The following IPO9 variants were observed in gnomAD, a reference collection of about 807,000 sequenced individuals.
IPO9 encodes importin-9.
A neutral mutation model predicts 128.6 loss-of-function variants in IPO9; 28 were observed. The observed-to-expected ratio is 0.22, with a 90% CI of 0.16 to 0.30. IPO9 has a LOEUF of 0.30. IPO9 is among the 10% of genes least tolerant of loss of function. The pLI is 1.00. For synonymous variants in IPO9, 455 were observed against 475.8 expected (o/e 0.96, Z 0.57); for missense variants, 935 against 1,293.9 (o/e 0.72, Z 4.26).
rs1472951905 is a variant in IPO9 at position 201,881,998 on chromosome 1, C to T, written c.*5944C>T. 1 of 152,156 alleles carries T rather than the reference C, an allele frequency of 6.6e-6. No homozygotes were observed. Among genetic ancestry groups the T allele is most frequent in the East Asian group, 1.9e-4 (1 of 5,206 alleles). The allele number at this position is 152,156 out of a possible 1,614,324, so 9.4% of individuals were successfully genotyped here. ...TGCAGTGAGTTCCTCCTCATCAATC[C>T]AAGTGCTCGATCAGAGGCTAGACCT... On this transcript the variant is annotated 3_prime_UTR_variant, in exon 24 of 24. Coordinates refer to ENST00000361565, the MANE Select transcript of IPO9 (RefSeq NM_018085.5).
intron 10 of IPO9, among the ~76,000 whole-genome samples, chr1:201,856,351 A>G (rs1571547921): frequency 1.3e-5 from 2 of 152,184 alleles, no homozygotes; most frequent in South Asian, 4.1e-4. Flanking sequence ...TCCCTAAAGT[A>G]AAATGTAATA....
chr1:201,873,162 G>T (rs1331980328), intron 20 of IPO9, among the ~76,000 whole-genome samples: 1 of 152,218 alleles, frequency 6.6e-6, no homozygotes, highest in African/African-American at 2.4e-5. Context: ...ACAAAAATAG[G>T]CCGGGCATGG....
Position 201,870,576 on chromosome 1 carries a change from TC to T in IPO9, c.2134-3del. ...ACTAATCTTGCTTGCCACCCCTGTCTCCCCAGAATGGCGGAGAGTGCTTGCG... is the reference window on the plus strand; with the variant it reads ...ACTAATCTTGCTTGCCACCCCTGTCTCCCAGAATGGCGGAGAGTGCTTGCG... On this transcript the variant is annotated splice_polypyrimidine_tract_variant and splice_region_variant and intron_variant, in intron 17 of 23. Coordinates refer to ENST00000361565, the MANE Select transcript of IPO9 (RefSeq NM_018085.5). The surrounding 1 kb of genome is among the most constrained non-coding windows in gnomAD (Gnocchi z 4.9). The T allele has an allele frequency of 6.2e-7, 1 of 1,606,934 alleles. No homozygotes were observed. Among genetic ancestry groups the T allele is most frequent in the Non-Finnish European group, 8.5e-7 (1 of 1,174,454 alleles).
intron 1 of IPO9, among the ~76,000 whole-genome samples, chr1:201,843,692 G>A (rs939714005): frequency 1.3e-5 from 2 of 152,114 alleles, no homozygotes; most frequent in Admixed American, 6.5e-5. Context: ...GCTGGGCGTG[G>A]TGGTACACTC....
At chr1:201,856,016 A>G in intron 10 of IPO9, 82 bp downstream of exon 10, 2 of 1,003,024 alleles carry the variant, frequency 2.0e-6, no homozygotes, top group Non-Finnish European at 2.9e-6. Flanking sequence ...TCAGGTGAAC[A>G]CTTTATTTCT....
chr1:201,869,681 A>G lies in IPO9; in HGVS notation c.2096A>G (p.Gln699Arg), dbSNP rs1680613262. ...LICQAFPAVA[Q>R]CTLHTDDNAT... Reference sequence around the variant, plus strand: ...TGCCAAGCTTTCCCTGCTGTGGCACAGTGTACCCTTCACACAGATGACAAT... The same window carrying G: ...TGCCAAGCTTTCCCTGCTGTGGCACGGTGTACCCTTCACACAGATGACAAT... The change falls in exon 17 of 24, where the codon CAG (glutamine) becomes CGG (arginine). Residue 699 changes from glutamine to arginine, a missense_variant. Gln to Arg is a conservative substitution (Grantham distance 43, BLOSUM62 1). Coordinates refer to ENST00000361565, the MANE Select transcript of IPO9 (RefSeq NM_018085.5). 1.2e-6 allele frequency: 2 copies of G among 1,614,066 alleles called. No individual in the cohort carries two copies. Among genetic ancestry groups the G allele is most frequent in the Middle Eastern group, 1.6e-4 (1 of 6,084 alleles).
At chr1:201,835,272 C>T (rs1357529905) in intron 1 of IPO9, among the ~76,000 whole-genome samples, 2 of 152,338 alleles carry the variant, frequency 1.3e-5, no homozygotes, top group East Asian at 3.9e-4. Context: ...GCATGTATTT[C>T]TTAAGTGATC....
intron 19 of IPO9, among the ~76,000 whole-genome samples, chr1:201,871,791 G>A (rs1026727244): frequency 1.2e-4 from 18 of 151,980 alleles, no homozygotes; most frequent in African/African-American, 3.6e-4. Context: ...TATTGCTAAC[G>A]CACATATGTG....
intron 1 of IPO9, among the ~76,000 whole-genome samples, chr1:201,837,004 T>A (rs1419160650): frequency 1.3e-5 from 2 of 152,240 alleles, no homozygotes; most frequent in South Asian, 2.1e-4. Context: ...TAATGCTGCT[T>A]CTTTCATGCG....
In IPO9 at chr1:201,872,940, A is replaced by C. The variant is rs1258718344; in HGVS notation, c.2689A>C (p.Thr897Pro). ...EIYSMDEGIR[T>P]RSKSAKNPER... Reference sequence around the variant, plus strand: ...CTACAGCATGGATGAGGGCATCCGCACCCGCTCTAAGTCAGCCAAAAGTGG... The same window carrying C: ...CTACAGCATGGATGAGGGCATCCGCCCCCGCTCTAAGTCAGCCAAAAGTGG... Residue 897 changes from threonine to proline, a missense_variant, in exon 20 of 24, where the codon ACC becomes CCC. Transcript: ENST00000361565. 1.9e-6 allele frequency: 3 copies of C among 1,613,308 alleles called. No homozygotes were observed. The Admixed American group carries it at 5.0e-5, about 27-fold the overall frequency.
intron 4 of IPO9, chr1:201,850,646 A>G (rs905294619): frequency 3.9e-5 from 6 of 152,222 alleles, no homozygotes; most frequent in African/African-American, 1.4e-4. Context: ...TAAAGTATTA[A>G]TAAATTGATA....
chr1:201,831,429 G>C (rs1245073383), intron 1 of IPO9, among the ~76,000 whole-genome samples: 1 of 152,034 alleles, frequency 6.6e-6, no homozygotes, highest in Non-Finnish European at 1.5e-5. Context: ...GCAATGCTTC[G>C]GACCCTTTGG....
At position 201,879,377 on chromosome 1, in the gene IPO9, A is replaced by G. The variant is rs141666926; in HGVS notation, c.*3323A>G. 13 of 152,336 alleles carry G rather than the reference A, an allele frequency of 8.5e-5. No homozygotes were observed. Among genetic ancestry groups the G allele is most frequent in the African/African-American group, 3.1e-4 (13 of 41,586 alleles). 9.4% of individuals were successfully genotyped at this position (152,336 alleles called of 1,614,324 possible). Reference sequence around the variant, plus strand: ...GTAACTGACCACTAACTAACAAACTATAAATTCACCCATTGTGGGTTGACC... The same window carrying G: ...GTAACTGACCACTAACTAACAAACTGTAAATTCACCCATTGTGGGTTGACC... On this transcript the variant is annotated 3_prime_UTR_variant, in exon 24 of 24. Transcript: ENST00000361565.
intron 19 of IPO9, 69 bp from the exon 20 acceptor site, chr1:201,872,759 T>C (rs1043170463): frequency 6.6e-7 from 1 of 1,525,548 alleles, no homozygotes; most frequent in African/African-American, 1.4e-5. Flanking sequence ...TAGGACATAA[T>C]TGCTTATCTC....
Position 201,874,844 on chromosome 1 carries a change from A to G in IPO9, c.2846A>G (p.Asp949Gly). Residue 949 changes from aspartate (D) to glycine (G), a missense_variant, in exon 22 of 24, where the codon GAT (aspartate) becomes GGT (glycine). Asp to Gly is a moderately conservative substitution (Grantham distance 94). Transcript: ENST00000361565. ...PAEWSQDDSN[D>G]MWEDQEEEEE... ...CATCTCCAAGTAGATGACTCCAATG[A>G]TATGTGGGAGGACCAGGAGGAGGAA... 6.2e-7 allele frequency: 1 copy of G among 1,611,530 alleles called. No individual in the cohort carries two copies. The highest frequency in any genetic ancestry group is 8.5e-7 in the Non-Finnish European group (1 of 1,177,620).
chr1:201,860,947 C>T (rs1367145095), intron 13 of IPO9, among the ~76,000 whole-genome samples: 1 of 152,082 alleles, frequency 6.6e-6, no homozygotes, highest in Admixed American at 6.6e-5. Context: ...GTGGGCGGAT[C>T]ATGAGGTCAG....
In IPO9 at chr1:201,868,646, A is replaced by C; in HGVS notation, c.1856-2A>C. The C allele has an allele frequency of 1.2e-6, 2 of 1,612,938 alleles. No individual in the cohort carries two copies. Among genetic ancestry groups the C allele is most frequent in the Non-Finnish European group, 1.7e-6 (2 of 1,179,412 alleles). ...GATTCCGTGTTGCCTTATCCACTTC[A>C]GATCCCGTCGTCGCCTCACTGGCTC... On this transcript the variant is annotated splice_acceptor_variant, in intron 15 of 23. Transcript: ENST00000361565. LOFTEE classifies it high-confidence loss of function.
At chr1:201,855,242 A>G in intron 9 of IPO9, 60 bp downstream of exon 9, 1 of 1,077,900 alleles carries the variant, frequency 9.3e-7, no homozygotes, top group South Asian at 1.3e-5. Context: ...AAAAGAAGCC[A>G]GAGATGGGGG....
At position 201,829,388 on chromosome 1, in the gene IPO9, C is replaced by A; in HGVS notation, c.163+16C>A. The A allele has an allele frequency of 6.5e-7, 1 of 1,546,216 alleles. No homozygotes were observed. The highest frequency in any genetic ancestry group is 8.7e-7 in the Non-Finnish European group (1 of 1,146,490). On this transcript the variant is annotated intron_variant, in intron 1 of 23. Coordinates refer to ENST00000361565, the MANE Select transcript of IPO9 (RefSeq NM_018085.5). The stretch of plus-strand genomic sequence containing the variant: ...GTGACGGAGGGTGAGTGAGGCGGGA[C>A]CGTCACGAGGATGGCTCAGCCGCAC...
Sources: gnomAD v4.1 joint callset for allele counts (sites outside exome capture counted in the v4.1 genomes callset) on GRCh38, gnomAD v4.1.1 for gene constraint, Gnocchi (gnomAD v3.1) non-coding constraint, MANE v1.5 for transcripts, NCBI Gene and HGNC (gene_info 2026-07-23, HGNC 2026-07-21) for gene names.